The following SUV39H2 variants were observed in gnomAD, a reference collection of about 807,000 sequenced individuals.
SUV39H2 encodes histone-lysine N-methyltransferase SUV39H2.
In SUV39H2, 10 loss-of-function variants were observed where a neutral mutation model predicts 47.5. The observed-to-expected ratio is 0.21, with a 90% CI of 0.13 to 0.36. SUV39H2 has a LOEUF of 0.36. Among genes scored for constraint, SUV39H2 ranks in the 10% least tolerant of loss-of-function variants. SUV39H2 has a pLI of 1.00. For missense variants in SUV39H2, 266 were observed against 487.4 expected, an observed-to-expected ratio of 0.55 and a Z score of 4.28; for synonymous variants, 159 against 166.8, an observed-to-expected ratio of 0.95 and a Z score of 0.36.
At chr10:14,892,630 G>A (rs914675970) in intron 2 of SUV39H2, among the ~76,000 whole-genome samples, 6 of 151,862 alleles carry the variant, frequency 4.0e-5, no homozygotes, top group Non-Finnish European at 7.4e-5. Flanking sequence ...TCTATATTCT[G>A]GTGATAATGC....
At position 14,904,020 on chromosome 10, in the gene SUV39H2, G is replaced by C. The variant is rs1834191137; in HGVS notation, c.*1508G>C. ...GTTAACCAAAATTGCAGAATGGGGG[G>C]CCAGGCCTGTGTGGTGGCTCACACC... On this transcript the variant is annotated 3_prime_UTR_variant, in exon 6 of 6. Transcript: ENST00000354919. 1 of 152,150 alleles carries C rather than the reference G, an allele frequency of 6.6e-6. No homozygotes were observed. Among genetic ancestry groups the C allele is most frequent in the Admixed American group, 6.5e-5 (1 of 15,274 alleles). 9.4% of individuals were successfully genotyped at this position (152,150 alleles called of 1,614,324 possible). A position where few individuals can be genotyped will look rare whatever the true frequency, so the allele number is the denominator to read the frequency against.
At chr10:14,892,576 TTC>T (rs1460692432) in intron 2 of SUV39H2, among the ~76,000 whole-genome samples, 1 of 152,154 alleles carries the variant, frequency 6.6e-6, no homozygotes, top group East Asian at 1.9e-4. Context: ...GTGTACTGCT[TTC>T]TGTCTTCCCT....
chr10:14,881,256 T>C (rs542164957), intron 1 of SUV39H2, among the ~76,000 whole-genome samples: 1 of 152,302 alleles, frequency 6.6e-6, no homozygotes, highest in South Asian at 2.1e-4. Context: ...TTAATGGAAA[T>C]TAACTGATGT....
intron 2 of SUV39H2, among the ~76,000 whole-genome samples, chr10:14,894,578 A>G (rs1833504435): frequency 1.6e-5 from 1 of 60,642 alleles, no homozygotes; most frequent in Non-Finnish European, 2.8e-5. Flanking sequence ...CGTGTTAGCC[A>G]AGATGGTCTC....
intron 2 of SUV39H2, among the ~76,000 whole-genome samples, chr10:14,883,704 CAAAAAAAAAAAAAAAAAAAA>C (rs58522342): frequency 2.0e-5 from 1 of 50,028 alleles, no homozygotes; most frequent in African/African-American, 4.7e-5. Context: ...GACTCAGTCT[CAAAAAAAAAAAAAAAAAAAA>C]AAAAAAAATC....
At chr10:14,890,023 G>C (rs1276222731) in intron 2 of SUV39H2, among the ~76,000 whole-genome samples, 1 of 152,052 alleles carries the variant, frequency 6.6e-6, no homozygotes, top group Non-Finnish European at 1.5e-5. Flanking sequence ...CTATAGCTTT[G>C]GTTTCTTAAA....
chr10:14,888,025 C>T (rs1017038122), intron 2 of SUV39H2, among the ~76,000 whole-genome samples: 2 of 152,070 alleles, frequency 1.3e-5, no homozygotes, highest in African/African-American at 4.8e-5. Context: ...GTGAGGCTGG[C>T]GGGGTGGGCA....
At chr10:14,882,728 C>T (rs960321140) in intron 2 of SUV39H2, among the ~76,000 whole-genome samples, 1 of 152,152 alleles carries the variant, frequency 6.6e-6, no homozygotes, top group African/African-American at 2.4e-5. Context: ...CTGCTGAAGA[C>T]CTCCTACCTC....
chr10:14,897,096 A>G lies in SUV39H2; in HGVS notation c.428A>G (p.Glu143Gly). The change falls in exon 3 of 6, where the codon GAA (glutamate) becomes GGA (glycine). Residue 143 changes from glutamate to glycine, a missense_variant. This residue lies in a region of SUV39H2 where 91 missense variants were observed against 110.9 expected (regional missense o/e 0.82). Coordinates refer to ENST00000354919, the MANE Select transcript of SUV39H2 (RefSeq NM_001193424.2). ...ATAGCTCTGCAGAGATGGCAAGATG[A>G]ACTCAACAGAAGAAAGAATCATAAA... ...QRIALQRWQD[E>G]LNRRKNHKGM... 1 of 1,613,964 alleles carries G rather than the reference A, an allele frequency of 6.2e-7. No homozygotes were observed. The highest frequency in any genetic ancestry group is 8.5e-7 in the Non-Finnish European group (1 of 1,179,956).
chr10:14,880,984 G>T (rs879382099), intron 1 of SUV39H2, among the ~76,000 whole-genome samples: 1 of 151,990 alleles, frequency 6.6e-6, no homozygotes, highest in African/African-American at 2.4e-5. Context: ...GTTTGTAACC[G>T]TAGAAATATA....
At chr10:14,886,222 T>G (rs747371883) in intron 2 of SUV39H2, among the ~76,000 whole-genome samples, 5 of 152,174 alleles carry the variant, frequency 3.3e-5, no homozygotes, top group Non-Finnish European at 7.3e-5. Context: ...TCCTCATCCA[T>G]TTCCCTCTTC....
In SUV39H2 at chr10:14,897,259, C is replaced by G. The variant is rs1403242466; in HGVS notation, c.591C>G (p.Phe197Leu). The G allele has an allele frequency of 6.2e-7, 1 of 1,613,814 alleles. No homozygotes were observed. Among genetic ancestry groups the G allele is most frequent in the Non-Finnish European group, 8.5e-7 (1 of 1,180,034 alleles). ...ATFGCSCTDC[F>L]FQKCCPAEAG... Reference sequence around the variant, plus strand: ...TTGGTTGTTCATGCACAGATTGCTTCTTTCAAAAATGTTGTCCTGCTGAAG... The same window carrying G: ...TTGGTTGTTCATGCACAGATTGCTTGTTTCAAAAATGTTGTCCTGCTGAAG... Residue 197 changes from phenylalanine to leucine, a missense_variant, in exon 3 of 6, where the codon TTC (phenylalanine) becomes TTG (leucine). Physicochemically the swap from Phe to Leu is conservative, Grantham distance 22. Around this residue, in one of 4 missense-constraint regions of SUV39H2, gnomAD observed 112 missense variants for 271.9 expected, o/e 0.41. Transcript: ENST00000354919.
intron 4 of SUV39H2, 147 bp from the exon 5 acceptor site, chr10:14,900,986 C>A: frequency 1.0e-6 from 1 of 959,806 alleles, no homozygotes; most frequent in Non-Finnish European, 1.5e-6. Flanking sequence ...TTTAAATGTG[C>A]ATGCCTCAAA....
At chr10:14,900,342 A>T (rs1588860262) in intron 4 of SUV39H2, among the ~76,000 whole-genome samples, 1 of 152,316 alleles carries the variant, frequency 6.6e-6, no homozygotes, top group Middle Eastern at 3.4e-3. Flanking sequence ...TTAGGGTGAC[A>T]TTATCTGCAT....
intron 1 of SUV39H2, chr10:14,879,158 GA>G: frequency 7.5e-6 from 9 of 1,207,732 alleles, no homozygotes; most frequent in Non-Finnish European, 9.3e-6. Context: ...GGGCACTTCG[GA>G]AGTGGAGCGT....
At chr10:14,888,300 TGTCAGA>T (rs1833276933) in intron 2 of SUV39H2, among the ~76,000 whole-genome samples, 1 of 152,114 alleles carries the variant, frequency 6.6e-6, no homozygotes, top group African/African-American at 2.4e-5. Flanking sequence ...TAGGAAGGAC[TGTCAGA>T]GTCTGAGACA....
chr10:14,889,316 G>A (rs1392841238), intron 2 of SUV39H2, among the ~76,000 whole-genome samples: 1 of 152,002 alleles, frequency 6.6e-6, no homozygotes, highest in East Asian at 1.9e-4. Context: ...GAAAATGAAT[G>A]TTATAAAAGG....
rs200290768 is a variant in SUV39H2 at position 14,890,285 on chromosome 10, C to T, written c.178-6561C>T. On this transcript the variant is annotated intron_variant, in intron 2 of 5. Coordinates refer to ENST00000354919, the MANE Select transcript of SUV39H2 (RefSeq NM_001193424.2). ...TTTCAATTCTGGGTGTCTAACCCAGCTATCACAATTCCTACTCTTACTGGC... is the reference window on the plus strand; with the variant it reads ...TTTCAATTCTGGGTGTCTAACCCAGTTATCACAATTCCTACTCTTACTGGC... Among the ~76,000 whole-genome samples the T allele has an allele frequency of 1.8e-4, 27 of 152,354 alleles. No individual in the cohort carries two copies. In the East Asian group the frequency reaches 5.2e-3, roughly 29 times the overall value.
At chr10:14,898,877 GA>G in intron 3 of SUV39H2, 1 of 233,126 alleles carries the variant, frequency 4.3e-6, no homozygotes, top group Non-Finnish European at 8.2e-6. Context: ...TAAGTTATAG[GA>G]AAAATGTGCC....
Sources: gnomAD v4.1 joint callset for allele counts (sites outside exome capture counted in the v4.1 genomes callset) on GRCh38, gnomAD v4.1.1 for gene constraint, gnomAD v4.1.1 regional missense constraint, MANE v1.5 for transcripts, NCBI Gene and HGNC (gene_info 2026-07-23, HGNC 2026-07-21) for gene names.